Variants in GLI3 observed in about 807,000 individuals in gnomAD.
GLI3 encodes GLI family zinc finger 3.
In GLI3, 20 loss-of-function variants were observed where a neutral mutation model predicts 100.8. That is an observed-to-expected ratio of 0.20 (90% CI 0.14 to 0.29). The LOEUF (loss-of-function observed/expected upper bound fraction) is 0.29, where lower values mean the gene tolerates loss of function less well. GLI3 is among the 10% of genes least tolerant of loss of function. The pLI is 1.00. For missense variants in GLI3, 2,040 were observed against 2,128.5 expected, an observed-to-expected ratio of 0.96 and a Z score of 0.82; for synonymous variants, 938 against 860.5, an observed-to-expected ratio of 1.09 and a Z score of -1.58.
chr7:42,214,333 CT>C (rs1211314975), intron 2 of GLI3, among the ~76,000 whole-genome samples: 1 of 151,952 alleles, frequency 6.6e-6, no homozygotes, highest in Non-Finnish European at 1.5e-5. Context: ...ACCTTTTCAA[CT>C]GTCAAGCCAG....
chr7:42,231,101 A>G (rs1482621602), intron 1 of GLI3, among the ~76,000 whole-genome samples: 1 of 152,232 alleles, frequency 6.6e-6, no homozygotes, highest in East Asian at 1.9e-4. Flanking sequence ...GGTTTCTTAG[A>G]ATCATGTGTG....
At chr7:42,237,553 T>G (rs1448240082), upstream of GLI3, among the ~76,000 whole-genome samples, 1 of 148,236 alleles carries the variant, frequency 6.7e-6, no homozygotes, top group African/African-American at 2.5e-5. Context: ...GCTCCCTCCT[T>G]CCCTTCTCTC....
At chr7:42,190,251 T>C (rs1787800644) in intron 2 of GLI3, among the ~76,000 whole-genome samples, 1 of 151,922 alleles carries the variant, frequency 6.6e-6, no homozygotes, top group Non-Finnish European at 1.5e-5. Context: ...TGAAAACCAT[T>C]AGAATTTATA....
chr7:42,237,612 G>C (rs899082799), upstream of GLI3, among the ~76,000 whole-genome samples: 1 of 150,462 alleles, frequency 6.6e-6, no homozygotes, highest in Non-Finnish European at 1.5e-5. Context: ...AGTTTTAACA[G>C]ATGTTGCCGG....
chr7:42,070,088 CAG>C lies in GLI3; in HGVS notation c.473+6662_473+6663del, dbSNP rs371696704. 3.5e-3 allele frequency among the ~76,000 whole-genome samples: 531 copies of C among 152,330 alleles called. 4 individuals carry two copies. The highest frequency in any genetic ancestry group is 0.012 in the African/African-American group (509 of 41,560). ...TAATTATTATCTACCCATGTTCTAA[CAG>C]AGTCTTCTCAAATGTGATTAAGTAT... is the stretch of plus-strand genomic sequence containing the variant. On this transcript the variant is annotated intron_variant, in intron 4 of 14. Transcript: ENST00000395925.
At chr7:42,132,083 T>C (rs1016987160) in intron 3 of GLI3, among the ~76,000 whole-genome samples, 3 of 151,810 alleles carry the variant, frequency 2.0e-5, no homozygotes, top group African/African-American at 7.3e-5. Context: ...CATTATTTAT[T>C]TATTTATTTA....
intron 10 of GLI3, 119 bp from the exon 11 acceptor site, chr7:41,978,867 CTT>C: frequency 2.3e-6 from 2 of 885,328 alleles, no homozygotes; most frequent in South Asian, 3.0e-5. Flanking sequence ...ACAAGAATAA[CTT>C]TACCATATTA....
intron 2 of GLI3, among the ~76,000 whole-genome samples, chr7:42,180,145 T>C (rs1787564241): frequency 6.6e-6 from 1 of 151,782 alleles, no homozygotes; most frequent in South Asian, 2.1e-4. Context: ...GGACAGGCAG[T>C]GGTGGGGGCG....
chr7:42,163,719 C>T (rs1439762616), intron 2 of GLI3, among the ~76,000 whole-genome samples: 1 of 152,156 alleles, frequency 6.6e-6, no homozygotes, highest in Non-Finnish European at 1.5e-5. Context: ...CGTGAACTAC[C>T]GTGCCTGGCC....
At chr7:42,261,901 T>TCCCTTCC (rs1789144218) in intron 1 of GLI3, among the ~76,000 whole-genome samples, 3 of 136,550 alleles carry the variant, frequency 2.2e-5, no homozygotes, top group Middle Eastern at 7.9e-3. Flanking sequence ...CTTCCCTTCC[T>TCCCTTCC]TTCCCTCCCT....
intron 1 of GLI3, among the ~76,000 whole-genome samples, chr7:42,261,612 A>G (rs1422149482): frequency 1.3e-5 from 2 of 152,324 alleles, no homozygotes; most frequent in Middle Eastern, 3.4e-3. Context: ...TATATTTTAT[A>G]TGAATGTAAT....
At chr7:42,046,615 G>T (rs764234266) in intron 5 of GLI3, among the ~76,000 whole-genome samples, 1 of 152,186 alleles carries the variant, frequency 6.6e-6, no homozygotes, top group Non-Finnish European at 1.5e-5. Flanking sequence ...ACACAAAGCA[G>T]ATGATAAGAG....
intron 3 of GLI3, among the ~76,000 whole-genome samples, chr7:42,096,823 A>AAGAT (rs1304207304): frequency 2.0e-5 from 3 of 152,196 alleles, no homozygotes; most frequent in Admixed American, 2.0e-4. Context: ...GGTGCCATCA[A>AAGAT]AGATAGGTTA....
intron 2 of GLI3, among the ~76,000 whole-genome samples, chr7:42,206,102 T>C (rs963331875): frequency 5.9e-5 from 9 of 152,012 alleles, no homozygotes; most frequent in African/African-American, 2.2e-4. Flanking sequence ...ACCCCATCTC[T>C]ACTAAAAATA....
At chr7:42,123,881 G>A (rs978937878) in intron 3 of GLI3, among the ~76,000 whole-genome samples, 4 of 152,178 alleles carry the variant, frequency 2.6e-5, no homozygotes, top group African/African-American at 9.6e-5. Flanking sequence ...CTAAGATCCA[G>A]TTCTCAGGAA....
chr7:41,982,724 A>G (rs867427949), intron 10 of GLI3, among the ~76,000 whole-genome samples: 51 of 151,424 alleles, frequency 3.4e-4, no homozygotes, highest in African/African-American at 1.2e-3. Flanking sequence ...AAGAAAATAC[A>G]TTGTACATTG....
intron 4 of GLI3, among the ~76,000 whole-genome samples, chr7:42,050,044 C>T (rs771955886): frequency 2.0e-5 from 3 of 152,134 alleles, no homozygotes; most frequent in East Asian, 1.9e-4. Flanking sequence ...AAGTGCACAG[C>T]GCAGACACTG....
intron 5 of GLI3, 93 bp from the exon 6 acceptor site, chr7:42,045,623 A>T: frequency 9.0e-7 from 1 of 1,111,722 alleles, no homozygotes; most frequent in South Asian, 1.3e-5. Flanking sequence ...CACAACCCAC[A>T]TCAGCAATTC....
At chr7:41,991,195 G>A (rs1226140664) in intron 10 of GLI3, among the ~76,000 whole-genome samples, 5 of 152,058 alleles carry the variant, frequency 3.3e-5, no homozygotes, top group African/African-American at 4.8e-5. Context: ...TTCAATGCAC[G>A]GACACATTTG....
Sources: allele counts gnomAD v4.1 joint callset (sites outside exome capture counted in the v4.1 genomes callset), GRCh38; gene constraint gnomAD v4.1.1; transcripts MANE v1.5; gene names NCBI Gene and HGNC (gene_info 2026-07-23, HGNC 2026-07-21).